Variants in ZNF789 observed in about 807,000 individuals in gnomAD.
The protein encoded by ZNF789 is zinc finger protein 789.
ZNF789 carries 11 observed loss-of-function variants against 15.6 expected under a neutral mutation model. The ratio of observed to expected loss-of-function variants is 0.70; its 90% CI spans 0.44 to 1.16. The LOEUF (loss-of-function observed/expected upper bound fraction) is 1.16, where lower values mean the gene tolerates loss of function less well. Ranked by LOEUF, ZNF789 falls within the 50% of genes most tolerant of loss-of-function variation. The pLI is 0.00. For synonymous variants in ZNF789, 159 were observed against 176.0 expected (o/e 0.90, Z 0.76); for missense variants, 461 against 512.6 (o/e 0.90, Z 0.97).
At position 99,486,977 on chromosome 7, in the gene ZNF789, C is replaced by T. The variant is rs767942760; in HGVS notation, c.767C>T (p.Pro256Leu). 4.3e-6 allele frequency: 7 copies of T among 1,614,156 alleles called. No homozygotes were observed. The Admixed American group carries it at 5.0e-5, about 12-fold the overall frequency. Reference protein sequence around the residue: ...VHKQCHLQNKPYRCHDCGKCF... With the variant: ...VHKQCHLQNKLYRCHDCGKCF... ...AAACAGTGTCACCTGCAAAACAAGC[C>T]ATACAGATGTCATGACTGTGGAAAG... Residue 256 changes from proline (P) to leucine (L), a missense_variant, in exon 5 of 5, where the codon CCA becomes CTA. Coordinates refer to ENST00000331410, the MANE Select transcript of ZNF789 (RefSeq NM_213603.3).
chr7:99,474,558 C>T (rs1253293610), intron 1 of ZNF789, among the ~76,000 whole-genome samples: 1 of 151,160 alleles, frequency 6.6e-6, no homozygotes, highest in Non-Finnish European at 1.5e-5. Context: ...CGCGCCACTG[C>T]ACTCCAGCCT....
At chr7:99,483,682 T>C (rs762344010) in intron 3 of ZNF789, 7 of 780,746 alleles carry the variant, frequency 9.0e-6, no homozygotes, top group South Asian at 2.7e-5. Flanking sequence ...CTAATACTTA[T>C]GCCTTCATCG....
intron 2 of ZNF789, among the ~76,000 whole-genome samples, chr7:99,477,232 G>A (rs1342232934): frequency 6.6e-6 from 1 of 151,538 alleles, no homozygotes; most frequent in Non-Finnish European, 1.5e-5. Flanking sequence ...TAGTAGAGAC[G>A]GGGTTTCACC....
At chr7:99,477,628 C>A (rs1455230362) in intron 2 of ZNF789, among the ~76,000 whole-genome samples, 2 of 151,958 alleles carry the variant, frequency 1.3e-5, no homozygotes, top group African/African-American at 2.4e-5. Flanking sequence ...TGTGAGCCAC[C>A]GCGCCCAGCC....
intron 2 of ZNF789, 99 bp downstream of exon 2, chr7:99,476,579 T>C (rs1027432463): frequency 6.8e-7 from 1 of 1,481,300 alleles, no homozygotes; most frequent in African/African-American, 1.4e-5. Flanking sequence ...GGAGTTTTCC[T>C]TCTTAGACAG....
At chr7:99,483,972 C>G in intron 3 of ZNF789, 58 bp from the exon 4 acceptor site, 2 of 1,403,752 alleles carry the variant, frequency 1.4e-6, no homozygotes, top group South Asian at 2.3e-5. Flanking sequence ...CACTGAGCCC[C>G]GGGCCATGTC....
chr7:99,477,533 T>A (rs1799398998), intron 2 of ZNF789, among the ~76,000 whole-genome samples: 2 of 151,980 alleles, frequency 1.3e-5, no homozygotes, highest in East Asian at 1.9e-4. Flanking sequence ...AGAGACAGGG[T>A]TACACCATGT....
intron 2 of ZNF789, chr7:99,478,326 C>T: frequency 7.8e-7 from 1 of 1,289,664 alleles, no homozygotes; most frequent in Non-Finnish European, 1.0e-6. Context: ...GGCAGCGCAG[C>T]TCTGGTAAAA....
chr7:99,485,277 T>C, intron 4 of ZNF789: 2 of 1,458,362 alleles, frequency 1.4e-6, no homozygotes, highest in Non-Finnish European at 1.9e-6. Context: ...GACGAATTCT[T>C]TGGGGACAGG....
At chr7:99,485,072 G>C in intron 4 of ZNF789, 1 of 1,021,060 alleles carries the variant, frequency 9.8e-7, no homozygotes, top group Non-Finnish European at 1.4e-6. Context: ...GGGCACCCTG[G>C]ATGCCCCTTG....
chr7:99,475,118 C>T (rs113914683), intron 1 of ZNF789, among the ~76,000 whole-genome samples: 8,332 of 152,238 alleles, frequency 0.055, 689 homozygotes, highest in African/African-American at 0.18. Context: ...GTAGGCTGGG[C>T]GCAGTGGCTC....
In ZNF789 at chr7:99,476,413, C is replaced by T. The variant is rs372791473; in HGVS notation, c.-44C>T. 281 of 1,599,566 alleles carry T rather than the reference C, an allele frequency of 1.8e-4. No individual in the cohort carries two copies. Among genetic ancestry groups the T allele is most frequent in the Non-Finnish European group, 2.1e-4 (250 of 1,173,960 alleles). On this transcript the variant is annotated 5_prime_UTR_variant, in exon 2 of 5. The change creates a new upstream start codon in the 5' untranslated region. Transcript: ENST00000331410. ...TTTTTTCTTCTCCAGCTCAGCCAGA[C>T]GTCCAGGATCCCACCCCTTGCAAAA...
Position 99,482,464 on chromosome 7 carries a change from C to T in ZNF789, c.152-1566C>T, listed in dbSNP as rs550624186. ...TATCAGGTTAGTGCTCAGAAAGTTT[C>T]GGATTTGGGAGCATTTTGGATTAGG... On this transcript the variant is annotated intron_variant, in intron 3 of 4. Coordinates refer to ENST00000331410, the MANE Select transcript of ZNF789 (RefSeq NM_213603.3). 5 of 538,286 alleles carry T rather than the reference C, an allele frequency of 9.3e-6. No homozygotes were observed. In the Admixed American group the frequency reaches 9.9e-5, roughly 11 times the overall value. The allele number at this position is 538,286 out of a possible 1,614,324, so 33.3% of individuals were successfully genotyped here. A position where few individuals can be genotyped will look rare whatever the true frequency, so the allele number is the denominator to read the frequency against.
chr7:99,479,835 G>C, intron 3 of ZNF789, 48 bp downstream of exon 3: 1 of 1,577,886 alleles, frequency 6.3e-7, no homozygotes, highest in South Asian at 1.2e-5. Context: ...CTGAGTGTCT[G>C]TGCAAGCCCT....
At chr7:99,479,265 G>A (rs531316116) in intron 2 of ZNF789, 1 of 166,564 alleles carries the variant, frequency 6.0e-6, no homozygotes. Context: ...GCTTGGTAAA[G>A]TTTCCCTGAA....
At position 99,486,618 on chromosome 7, in the gene ZNF789, G is replaced by T. The variant is rs762848296; in HGVS notation, c.408G>T (p.Val136=). Residue 136 remains valine (V), a synonymous_variant, in exon 5 of 5, where the codon GTG becomes GTT. Transcript: ENST00000331410. ...AGTTACATAAGTGTAAAGAATTTGT[G>T]GACAGTTGCAGGCTTACTTTCCCTA... is the stretch of plus-strand genomic sequence containing the variant. ...SEKLHKCKEF[V]DSCRLTFPTS... is the part of the protein sequence containing the mutation. The T allele has an allele frequency of 1.2e-6, 2 of 1,614,150 alleles. No individual in the cohort carries two copies. The highest frequency in any genetic ancestry group is 3.3e-5 in the Admixed American group (2 of 60,016).
chr7:99,478,536 C>T (rs897109202), intron 2 of ZNF789: 8 of 426,948 alleles, frequency 1.9e-5, no homozygotes, highest in African/African-American at 1.4e-4. Context: ...GGACAGCGAA[C>T]GTTTGCCCTT....
intron 3 of ZNF789, chr7:99,480,216 T>C (rs1039196456): frequency 1.2e-5 from 2 of 168,960 alleles, no homozygotes; most frequent in Non-Finnish European, 2.5e-5. Flanking sequence ...TCCCAGTTAC[T>C]TGGGAGGCTG....
chr7:99,486,545 A>T lies in ZNF789; in HGVS notation c.335A>T (p.Tyr112Phe). ...AAATTTTCTGAAGATTTAGAGTCAT[A>T]TAAGATATCAGTGGTAATGCAGGAA... ...KQKFSEDLES[Y>F]KISVVMQESA... Residue 112 changes from tyrosine to phenylalanine, a missense_variant, in exon 5 of 5, where the codon TAT becomes TTT. By Grantham distance (22) the Tyr-to-Phe change is conservative (BLOSUM62 3). Transcript: ENST00000331410. 6.2e-7 allele frequency: 1 copy of T among 1,614,116 alleles called. No homozygotes were observed. The highest frequency in any genetic ancestry group is 1.3e-5 in the African/African-American group (1 of 75,046).
Sources: gnomAD v4.1 joint callset for allele counts (sites outside exome capture counted in the v4.1 genomes callset) on GRCh38, gnomAD v4.1.1 for gene constraint, MANE v1.5 for transcripts, NCBI Gene and HGNC (gene_info 2026-07-23, HGNC 2026-07-21) for gene names.